ZNF385D: variants seen among roughly 807,000 people sequenced by gnomAD.
ZNF385D encodes the protein zinc finger protein 659.
In ZNF385D, 15 loss-of-function variants were observed where a neutral mutation model predicts 35.8. The observed-to-expected ratio is 0.42, with a 90% CI of 0.28 to 0.64. ZNF385D has a LOEUF of 0.64. Ranked by LOEUF, ZNF385D falls within the 30% of genes least tolerant of loss-of-function variation. ZNF385D has a pLI of 0.23. For synonymous variants in ZNF385D, 212 were observed against 186.8 expected (o/e 1.13, Z -1.10); for missense variants, 474 against 494.6 (o/e 0.96, Z 0.39).
At position 21,804,135 on chromosome 3, in the gene ZNF385D, G is replaced by A. The variant is rs1265120169; in HGVS notation, c.326-139107C>T. ...AAATAAAAGTGTGTAAATTTCTTGT[G>A]CATATGTTTTATCCACAAGAAAACT... is the stretch of plus-strand genomic sequence containing the variant. On this transcript the variant is annotated intron_variant, in intron 3 of 5. Transcript: ENST00000494108. Among the ~76,000 whole-genome samples, 3 of 152,160 alleles carry A rather than the reference G, an allele frequency of 2.0e-5. No individual in the cohort carries two copies. In the East Asian group the frequency reaches 5.8e-4, roughly 29 times the overall value.
chr3:22,103,458 A>G (rs890026441), intron 3 of ZNF385D, among the ~76,000 whole-genome samples: 2 of 152,144 alleles, frequency 1.3e-5, no homozygotes, highest in African/African-American at 4.8e-5. Flanking sequence ...TAGAGATGAT[A>G]CTATTTTACA....
At chr3:21,483,068 T>G (rs995245925) in intron 4 of ZNF385D, among the ~76,000 whole-genome samples, 2 of 152,160 alleles carry the variant, frequency 1.3e-5, no homozygotes, top group African/African-American at 4.8e-5. Context: ...ATCACATGTG[T>G]AGATTCTTGT....
At chr3:22,324,721 G>A (rs1694596523) in intron 2 of ZNF385D, among the ~76,000 whole-genome samples, 1 of 152,146 alleles carries the variant, frequency 6.6e-6, no homozygotes, top group Admixed American at 6.5e-5. Context: ...GAAAGATACA[G>A]CATTTTGAAA....
intron 3 of ZNF385D, among the ~76,000 whole-genome samples, chr3:22,140,302 C>T (rs1253525978): frequency 6.6e-6 from 1 of 152,090 alleles, no homozygotes; most frequent in African/African-American, 2.4e-5. Context: ...ATAATGCTGC[C>T]TAAAAGAAAC....
rs142703645 is a variant in ZNF385D at position 21,774,507 on chromosome 3, C to T, written c.326-109479G>A. On this transcript the variant is annotated intron_variant, in intron 3 of 5. Coordinates refer to the ZNF385D transcript ENST00000494108. Reference sequence around the variant, plus strand: ...TTTAAAAATGGAGGCCAATGGGATGCTCTGATGGAAACAGGAGATGGGAAA... The same window carrying T: ...TTTAAAAATGGAGGCCAATGGGATGTTCTGATGGAAACAGGAGATGGGAAA... Among the ~76,000 whole-genome samples, 223 of 151,928 alleles carry T rather than the reference C, an allele frequency of 1.5e-3. 2 individuals are homozygous for T. The highest frequency in any genetic ancestry group is 5.2e-3 in the African/African-American group (217 of 41,482).
intron 3 of ZNF385D, among the ~76,000 whole-genome samples, chr3:21,559,955 T>C (rs1048772023): frequency 9.9e-5 from 15 of 152,220 alleles, no homozygotes; most frequent in African/African-American, 2.9e-4. Context: ...ATTCGGCTAT[T>C]GATACTTGTG....
chr3:22,301,631 A>G (rs567003093), intron 2 of ZNF385D, among the ~76,000 whole-genome samples: 1 of 152,214 alleles, frequency 6.6e-6, no homozygotes, highest in Non-Finnish European at 1.5e-5. Context: ...CGGTAAAGAA[A>G]AAAGTCTAGG....
chr3:21,620,388 T>A (rs9879762), intron 2 of ZNF385D, among the ~76,000 whole-genome samples: 3 of 152,090 alleles, frequency 2.0e-5, no homozygotes, highest in African/African-American at 7.2e-5. Flanking sequence ...CTAAATCCCC[T>A]CTTAGTGGTT....
intron 3 of ZNF385D, among the ~76,000 whole-genome samples, chr3:21,800,354 T>C (rs1465287752): frequency 2.0e-5 from 3 of 152,316 alleles, no homozygotes; most frequent in South Asian, 2.1e-4. Context: ...ACCTTAGCAA[T>C]ATTAAATCTA....
chr3:21,724,502 A>T (rs1388442247), intron 1 of ZNF385D, among the ~76,000 whole-genome samples: 2 of 98,292 alleles, frequency 2.0e-5, no homozygotes, highest in African/African-American at 5.9e-5. Context: ...AAAAAAAAAA[A>T]AAAAAAAAAA....
At chr3:21,821,256 A>C (rs1326848469) in intron 3 of ZNF385D, among the ~76,000 whole-genome samples, 1 of 152,148 alleles carries the variant, frequency 6.6e-6, no homozygotes, top group East Asian at 1.9e-4. Context: ...CCAAGCGTTG[A>C]GCACACTAAA....
chr3:21,736,314 T>C (rs2069240250), intron 1 of ZNF385D, among the ~76,000 whole-genome samples: 2 of 152,208 alleles, frequency 1.3e-5, no homozygotes, highest in African/African-American at 4.8e-5. Flanking sequence ...AAAGACATGC[T>C]ATAGATACTC....
At chr3:22,243,359 AAG>A in intron 2 of ZNF385D, among the ~76,000 whole-genome samples, 1 of 151,250 alleles carries the variant, frequency 6.6e-6, no homozygotes, top group East Asian at 2.0e-4. Context: ...TACAATCAAA[AAG>A]AATTTTTGAA....
At chr3:22,370,425 G>T (rs540230005) in intron 2 of ZNF385D, among the ~76,000 whole-genome samples, 2 of 151,984 alleles carry the variant, frequency 1.3e-5, no homozygotes, top group Non-Finnish European at 2.9e-5. Context: ...CTGGCAGTCC[G>T]AATTATATAA....
At chr3:22,017,460 AT>A (rs1405124415) in intron 3 of ZNF385D, among the ~76,000 whole-genome samples, 1 of 151,876 alleles carries the variant, frequency 6.6e-6, no homozygotes, top group African/African-American at 2.4e-5. Flanking sequence ...AAGCTCTATT[AT>A]TTTTTGTTTC....
intron 2 of ZNF385D, among the ~76,000 whole-genome samples, chr3:22,339,221 AAAT>A (rs1172333306): frequency 6.6e-6 from 1 of 152,208 alleles, no homozygotes; most frequent in Non-Finnish European, 1.5e-5. Context: ...TTCAATAACT[AAAT>A]AATATAAAAG....
At chr3:22,269,107 C>T (rs148999576) in intron 2 of ZNF385D, among the ~76,000 whole-genome samples, 119 of 152,060 alleles carry the variant, frequency 7.8e-4, no homozygotes, top group African/African-American at 2.8e-3. Flanking sequence ...AACAAACAAA[C>T]AGCTTATACC....
At chr3:21,786,952 TAATAAGAA>T (rs1413564898) in intron 3 of ZNF385D, among the ~76,000 whole-genome samples, 1 of 152,198 alleles carries the variant, frequency 6.6e-6, no homozygotes, top group Non-Finnish European at 1.5e-5. Context: ...TATTTAAACC[TAATAAGAA>T]AATAGTGTGA....
chr3:21,468,401 CA>C (rs1175784477), intron 4 of ZNF385D, among the ~76,000 whole-genome samples: 16,962 of 70,882 alleles, frequency 0.24, 782 homozygotes, highest in African/African-American at 0.3. Flanking sequence ...GACACTGTCT[CA>C]AAAAAAAAAA....
Sources: allele counts gnomAD v4.1 joint callset (sites outside exome capture counted in the v4.1 genomes callset), GRCh38; gene constraint gnomAD v4.1.1; transcripts MANE v1.5; gene names NCBI Gene and HGNC (gene_info 2026-07-23, HGNC 2026-07-21).